Variants in CNBD1 observed in about 807,000 individuals in gnomAD.
The protein encoded by CNBD1 is cyclic nucleotide-binding domain-containing protein 1.
CNBD1 carries 71 observed loss-of-function variants against 54.4 expected under a neutral mutation model. The observed-to-expected ratio is 1.30, with a 90% confidence interval of 1.08 to 1.59. The LOEUF (loss-of-function observed/expected upper bound fraction) is 1.59, where lower values mean the gene tolerates loss of function less well. CNBD1 is among the 40% of genes most tolerant of loss of function. CNBD1 has a pLI of 0.00. For synonymous variants in CNBD1, 182 were observed against 170.7 expected, an observed-to-expected ratio of 1.07 and a Z score of -0.51; for missense variants, 659 against 518.0, an observed-to-expected ratio of 1.27 and a Z score of -2.64.
downstream of CNBD1, among the ~76,000 whole-genome samples, chr8:87,384,446 A>G (rs1811145265): frequency 6.6e-6 from 1 of 152,174 alleles, no homozygotes; most frequent in Non-Finnish European, 1.5e-5. Context: ...TGCTCTGAAG[A>G]AAAAGCAGAT....
intron 10 of CNBD1, among the ~76,000 whole-genome samples, chr8:87,369,445 A>G (rs1048974378): frequency 2.6e-5 from 4 of 152,026 alleles, no homozygotes; most frequent in African/African-American, 4.8e-5. Context: ...ACCACATTCT[A>G]TCCTTCCTTT....
chr8:87,390,631 G>C lies in CNBD1; in HGVS notation c.213+36845G>C, dbSNP rs140805156. Among the ~76,000 whole-genome samples, 254 of 152,120 alleles carry C rather than the reference G, an allele frequency of 1.7e-3. 1 individual carries two copies. The highest frequency in any genetic ancestry group is 5.8e-3 in the African/African-American group (240 of 41,492). On this transcript the variant is annotated intron_variant, in intron 2 of 7. Transcript: ENST00000521593. ...GATGTGGAGAAATAGGAACACTTTT[G>C]CACTGTTGGTGGGACTATAAACTAG...
chr8:87,273,008 A>G (rs1303934930), intron 6 of CNBD1, among the ~76,000 whole-genome samples: 2 of 151,886 alleles, frequency 1.3e-5, no homozygotes, highest in African/African-American at 4.8e-5. Context: ...CAATTCTACC[A>G]AATGATATGC....
At chr8:87,137,500 C>T (rs1467989489) in intron 4 of CNBD1, among the ~76,000 whole-genome samples, 1 of 151,998 alleles carries the variant, frequency 6.6e-6, no homozygotes, top group Non-Finnish European at 1.5e-5. Flanking sequence ...CCGCGGCCGG[C>T]CAGATTCCAA....
chr8:87,341,402 TA>T (rs1469444001), intron 8 of CNBD1, among the ~76,000 whole-genome samples: 1 of 152,114 alleles, frequency 6.6e-6, no homozygotes, highest in African/African-American at 2.4e-5. Context: ...TTTCCATCCC[TA>T]GGGGGAAACT....
At chr8:87,421,277 A>AT (rs1169004084) in intron 2 of CNBD1, among the ~76,000 whole-genome samples, 1 of 148,672 alleles carries the variant, frequency 6.7e-6, no homozygotes, top group Non-Finnish European at 1.5e-5. Context: ...TTATTTCTTT[A>AT]TTTTTTTATA....
At chr8:86,875,365 C>T (rs1205897529) in intron 1 of CNBD1, among the ~76,000 whole-genome samples, 1 of 152,116 alleles carries the variant, frequency 6.6e-6, no homozygotes. Context: ...ACCTTTCACC[C>T]TACCTACTCC....
At chr8:87,266,533 C>A (rs1328013326) in intron 6 of CNBD1, among the ~76,000 whole-genome samples, 1 of 143,048 alleles carries the variant, frequency 7.0e-6, no homozygotes, top group South Asian at 2.3e-4. Context: ...CTCACTGCAA[C>A]CTCCGCCTCC....
intron 4 of CNBD1, among the ~76,000 whole-genome samples, chr8:87,168,101 ATGT>A (rs1813004259): frequency 6.6e-6 from 1 of 151,996 alleles, no homozygotes; most frequent in African/African-American, 2.4e-5. Flanking sequence ...ATTGACCAAA[ATGT>A]TGTTATGCAG....
At chr8:87,232,905 T>A (rs746563621) in intron 5 of CNBD1, among the ~76,000 whole-genome samples, 1 of 152,146 alleles carries the variant, frequency 6.6e-6, no homozygotes, top group African/African-American at 2.4e-5. Context: ...AGTAATAGTA[T>A]GTAATATGAG....
intron 4 of CNBD1, among the ~76,000 whole-genome samples, chr8:87,070,086 T>C (rs1325427739): frequency 1.3e-5 from 2 of 152,066 alleles, no homozygotes; most frequent in Non-Finnish European, 2.9e-5. Flanking sequence ...TTTAATAAAT[T>C]AGTGGGTATC....
At chr8:86,990,495 C>T (rs1282164931) in intron 4 of CNBD1, among the ~76,000 whole-genome samples, 1 of 151,998 alleles carries the variant, frequency 6.6e-6, no homozygotes, top group Non-Finnish European at 1.5e-5. Flanking sequence ...AAAATGAGTT[C>T]AGTGTAGGTG....
chr8:87,242,847 T>A (rs1010893066), intron 6 of CNBD1, among the ~76,000 whole-genome samples: 1 of 152,210 alleles, frequency 6.6e-6, no homozygotes, highest in African/African-American at 2.4e-5. Flanking sequence ...TTGTTGATAT[T>A]TATATTCTTA....
intron 4 of CNBD1, among the ~76,000 whole-genome samples, chr8:86,974,893 G>A (rs944871243): frequency 7.9e-5 from 12 of 151,866 alleles, no homozygotes; most frequent in African/African-American, 2.2e-4. Context: ...TATCATATAG[G>A]ATTTTTAAAA....
intron 8 of CNBD1, among the ~76,000 whole-genome samples, chr8:87,337,436 A>C (rs1273601900): frequency 6.6e-6 from 1 of 152,180 alleles, no homozygotes; most frequent in African/African-American, 2.4e-5. Context: ...CTGCAGCCAC[A>C]GTGTTGGCTG....
At chr8:87,129,082 AAAAAAAAAAG>A (rs1336228318) in intron 4 of CNBD1, among the ~76,000 whole-genome samples, 2 of 146,040 alleles carry the variant, frequency 1.4e-5, no homozygotes, top group Non-Finnish European at 3.0e-5. Context: ...AAAAAAAAAA[AAAAAAAAAAG>A]AATTTTGCTA....
In CNBD1 at chr8:87,236,781, A is replaced by G. The variant is rs543668467; in HGVS notation, c.578-138A>G. 1.1e-4 allele frequency: 51 copies of G among 478,864 alleles called. No individual in the cohort carries two copies. The East Asian group carries it at 1.3e-3, about 12-fold the overall frequency. The allele number at this position is 478,864 out of a possible 1,614,324, so 29.7% of individuals were successfully genotyped here. ...TTGAGTAAACTATTTGAAAATGCCTATTACATTAAATTCACTGTTACAGAA... is the reference window on the plus strand; with the variant it reads ...TTGAGTAAACTATTTGAAAATGCCTGTTACATTAAATTCACTGTTACAGAA... On this transcript the variant is annotated intron_variant, in intron 5 of 10. Transcript: ENST00000518476.
chr8:87,391,968 G>C (rs1686657729), intron 2 of CNBD1, among the ~76,000 whole-genome samples: 1 of 151,972 alleles, frequency 6.6e-6, no homozygotes, highest in South Asian at 2.1e-4. Context: ...CATGTAAAAA[G>C]AACCACAACT....
chr8:86,897,835 A>G (rs1183567023), intron 2 of CNBD1, among the ~76,000 whole-genome samples: 1 of 152,140 alleles, frequency 6.6e-6, no homozygotes, highest in African/African-American at 2.4e-5. Context: ...TAACTATTAC[A>G]TGCCCAGTAC....
Sources: allele counts gnomAD v4.1 joint callset (sites outside exome capture counted in the v4.1 genomes callset), GRCh38; gene constraint gnomAD v4.1.1; transcripts MANE v1.5; gene names NCBI Gene and HGNC (gene_info 2026-07-23, HGNC 2026-07-21).